Variants in THAP4 observed in about 807,000 individuals in gnomAD.
The protein encoded by THAP4 is peroxynitrite isomerase THAP4.
Under a neutral mutation model 48.1 loss-of-function variants are expected in THAP4, and 18 were observed. The ratio of observed to expected loss-of-function variants is 0.37; its 90% confidence interval spans 0.26 to 0.56. The LOEUF is 0.56. Ranked by LOEUF, THAP4 falls within the 20% of genes least tolerant of loss-of-function variation. The pLI, the probability that THAP4 is intolerant of heterozygous loss-of-function variation, is 0.78. For synonymous variants in THAP4, 345 were observed against 324.9 expected, an observed-to-expected ratio of 1.06 and a Z score of -0.66; for missense variants, 656 against 774.9, an observed-to-expected ratio of 0.85 and a Z score of 1.82.
Position 241,633,399 on chromosome 2 carries a change from CG to C in THAP4, c.757del (p.Arg253GlufsTer9). 1 of 1,613,196 alleles carries C rather than the reference CG, an allele frequency of 6.2e-7. No homozygotes were observed. On this transcript the variant is annotated frameshift_variant, in exon 2 of 6. Coordinates refer to ENST00000407315, the MANE Select transcript of THAP4 (RefSeq NM_015963.6). LOFTEE classifies it high-confidence loss of function. This position sits in a 1 kb window ranked among gnomAD's most constrained non-coding sequence, Gnocchi z 7.5. ...CAGCCTCTTGCGGTCAATGGGCTCT[CG>C]GGGGACAGATGGCCTTTCTCGGGTG... ...KHTRERPSVP[R>X]EPIDRKRLKK...
chr2:241,637,533 G>C (rs551422124), upstream of THAP4: 10 of 1,449,640 alleles, frequency 6.9e-6, no homozygotes, highest in East Asian at 2.0e-4. Flanking sequence ...GCGCCCCGGG[G>C]CTCGCGTCGG....
intron 2 of THAP4, among the ~76,000 whole-genome samples, chr2:241,615,770 C>A (rs143091393): frequency 2.4e-4 from 36 of 152,328 alleles, no homozygotes; most frequent in African/African-American, 6.5e-4. Flanking sequence ...CTCTTCACTC[C>A]TCTCTTCTCC....
chr2:241,634,380 TGACA>T (rs758900327), intron 1 of THAP4, among the ~76,000 whole-genome samples: 2 of 152,202 alleles, frequency 1.3e-5, no homozygotes, highest in Non-Finnish European at 2.9e-5. Flanking sequence ...CACAGGATGC[TGACA>T]GACAGTGCCA....
intron 5 of THAP4, chr2:241,594,591 A>G: frequency 2.9e-6 from 1 of 346,858 alleles, no homozygotes; most frequent in Non-Finnish European, 5.7e-6. Flanking sequence ...ACAAAACAAA[A>G]CAACAACAAC....
chr2:241,597,020 T>C (rs1007671983), intron 5 of THAP4, among the ~76,000 whole-genome samples: 5 of 152,252 alleles, frequency 3.3e-5, no homozygotes, highest in Admixed American at 6.5e-5. Context: ...AAAAAGTAAT[T>C]GTGCTACATT....
At chr2:241,594,251 G>C (rs1170761313) in intron 5 of THAP4, among the ~76,000 whole-genome samples, 2 of 152,154 alleles carry the variant, frequency 1.3e-5, no homozygotes, top group Non-Finnish European at 2.9e-5. Context: ...GGAAGTTGGG[G>C]CTGACAGCTA....
intron 2 of THAP4, among the ~76,000 whole-genome samples, chr2:241,623,213 CAAAAAT>C (rs2067455999): frequency 6.6e-6 from 1 of 151,518 alleles, no homozygotes; most frequent in African/African-American, 2.4e-5. Flanking sequence ...GAGACTCTGT[CAAAAAT>C]AATAATAATA....
intron 2 of THAP4, among the ~76,000 whole-genome samples, chr2:241,615,012 A>C (rs1048255872): frequency 1.3e-5 from 2 of 152,254 alleles, no homozygotes; most frequent in African/African-American, 2.4e-5. Context: ...TCCAGAAAGC[A>C]GAAAGAAGTC....
At chr2:241,611,396 G>A (rs932825802) in intron 2 of THAP4, among the ~76,000 whole-genome samples, 1 of 152,182 alleles carries the variant, frequency 6.6e-6, no homozygotes, top group Non-Finnish European at 1.5e-5. Flanking sequence ...CCCACCACCC[G>A]CCATAGAGAA....
chr2:241,588,715 T>C (rs76640158), intron 5 of THAP4, among the ~76,000 whole-genome samples: 2 of 152,088 alleles, frequency 1.3e-5, no homozygotes, highest in Non-Finnish European at 2.9e-5. Flanking sequence ...GGAAACGAGG[T>C]ATCTGTATGA....
At position 241,610,947 on chromosome 2, in the gene THAP4, G is replaced by A. The variant is rs2067265046; in HGVS notation, c.1241-4474C>T. Among the ~76,000 whole-genome samples, 1 of 152,002 alleles carries A rather than the reference G, an allele frequency of 6.6e-6. No individual in the cohort carries two copies. Among genetic ancestry groups the A allele is most frequent in the Admixed American group, 6.6e-5 (1 of 15,256 alleles). ...CTTCCCTTAAAACCAGCTTCTGGGG[G>A]TCTCCGAGGGGGACTCTCAGGTAAG... On this transcript the variant is annotated intron_variant, in intron 2 of 5. Coordinates refer to ENST00000407315, the MANE Select transcript of THAP4 (RefSeq NM_015963.6). This position sits in a 1 kb window ranked among gnomAD's most constrained non-coding sequence, Gnocchi z 4.2.
chr2:241,602,995 C>T lies in THAP4; in HGVS notation c.1485G>A (p.Val495=). The part of the protein sequence containing the change: ...FIRLKPDTNK[V]AFVSAQNTGV... ...CTGTGTTCTGGGCGCTGACAAAGGCCACCTTGTTGGTGTCGGGCTTGAGGC... is the reference window on the plus strand; with the variant it reads ...CTGTGTTCTGGGCGCTGACAAAGGCTACCTTGTTGGTGTCGGGCTTGAGGC... Residue 495 remains valine (V), a synonymous_variant, in exon 4 of 6, where the codon GTG becomes GTA. Transcript: ENST00000407315. The T allele has an allele frequency of 4.3e-6, 7 of 1,614,138 alleles. No individual in the cohort carries two copies. Among genetic ancestry groups the T allele is most frequent in the Non-Finnish European group, 5.9e-6 (7 of 1,179,976 alleles).
At chr2:241,628,448 C>T (rs2125096779) in intron 2 of THAP4, among the ~76,000 whole-genome samples, 1 of 152,156 alleles carries the variant, frequency 6.6e-6, no homozygotes. Context: ...ATCTCCTGCT[C>T]CTCCCCAAAA....
At chr2:241,637,479 G>A, upstream of THAP4, 4 of 1,452,836 alleles carry the variant, frequency 2.8e-6, no homozygotes, top group Non-Finnish European at 2.7e-6. Context: ...TCGGACAGCA[G>A]AACCAGCCGT....
intron 2 of THAP4, among the ~76,000 whole-genome samples, chr2:241,621,982 C>A (rs1453526999): frequency 6.6e-6 from 1 of 151,506 alleles, no homozygotes; most frequent in African/African-American, 2.4e-5. Flanking sequence ...TGCAACTCTA[C>A]ATCCAGTGAA....
At chr2:241,590,731 C>G (rs201674214) in intron 5 of THAP4, among the ~76,000 whole-genome samples, 784 of 22,736 alleles carry the variant, frequency 0.034, no homozygotes, top group East Asian at 0.076. Context: ...GGCTGATGAT[C>G]ATGGGCACTA....
rs1019193233 is a variant in THAP4, at chr2:241,610,023, G to A, written c.1241-3550C>T. 6.6e-6 allele frequency among the ~76,000 whole-genome samples: 1 copy of A among 152,308 alleles called. No individual in the cohort carries two copies. Among genetic ancestry groups the A allele is most frequent in the South Asian group, 2.1e-4 (1 of 4,832 alleles). ...GGTTCTGAGCTGCTGCACCGGGGCC[G>A]CGATCTCCACCCCTCACGCCCGAGT... On this transcript the variant is annotated intron_variant, in intron 2 of 5. Coordinates refer to ENST00000407315, the MANE Select transcript of THAP4 (RefSeq NM_015963.6). The surrounding 1 kb of genome is among the most constrained non-coding windows in gnomAD (Gnocchi z 4.2).
At chr2:241,630,506 T>C (rs764711615) in intron 2 of THAP4, among the ~76,000 whole-genome samples, 1 of 152,126 alleles carries the variant, frequency 6.6e-6, no homozygotes, top group South Asian at 2.1e-4. Flanking sequence ...CTCTGATAAC[T>C]ACAAACAGCT....
rs1175852721 is a variant in THAP4 at position 241,585,912 on chromosome 2, C to CAAAAAAAAAAAAAAAAAA, written c.1615-1188_1615-1187insTTTTTTTTTTTTTTTTTT. Among the ~76,000 whole-genome samples, 16 of 28,264 alleles carry CAAAAAAAAAAAAAAAAAA rather than the reference C, an allele frequency of 5.7e-4. 1 individual carries two copies. Among genetic ancestry groups the CAAAAAAAAAAAAAAAAAA allele is most frequent in the East Asian group, 1.3e-3 (1 of 748 alleles). The allele number at this position is 28,264 out of a possible 152,430, so 18.5% of individuals were successfully genotyped here. A position where few individuals can be genotyped will look rare whatever the true frequency, so the allele number is the denominator to read the frequency against. On this transcript the variant is annotated intron_variant, in intron 5 of 5. Transcript: ENST00000407315. ...TGGGTGACAGAGCAAGACTCCTTCT[C>CAAAAAAAAAAAAAAAAAA]AAAAAAAAAAAAAAAAAGAAAAAAA...
Sources: gnomAD v4.1 joint callset for allele counts (sites outside exome capture counted in the v4.1 genomes callset) on GRCh38, gnomAD v4.1.1 for gene constraint, Gnocchi (gnomAD v3.1) non-coding constraint, MANE v1.5 for transcripts, NCBI Gene and HGNC (gene_info 2026-07-23, HGNC 2026-07-21) for gene names.